Variants in AFG1L observed in about 807,000 individuals in gnomAD.
AFG1L encodes AFG1-like ATPase.
A neutral mutation model predicts 62.2 loss-of-function variants in AFG1L; 53 were observed. The ratio of observed to expected loss-of-function variants is 0.85; its 90% CI spans 0.68 to 1.07. The LOEUF is 1.07. AFG1L is among the 50% of genes least tolerant of loss of function. AFG1L has a pLI of 0.00. For missense variants in AFG1L, 555 were observed against 590.5 expected (o/e 0.94, Z 0.62); for synonymous variants, 228 against 210.3 (o/e 1.08, Z -0.73).
At chr6:108,449,071 C>G (rs980571646) in intron 8 of AFG1L, among the ~76,000 whole-genome samples, 1 of 151,448 alleles carries the variant, frequency 6.6e-6, no homozygotes, top group African/African-American at 2.4e-5. Context: ...TCGCTTGAGC[C>G]TAGGAGGTGG....
chr6:108,381,877 A>G (rs1780541682), intron 6 of AFG1L, among the ~76,000 whole-genome samples: 3 of 152,196 alleles, frequency 2.0e-5, no homozygotes, highest in African/African-American at 4.8e-5. Flanking sequence ...AATAGACTAC[A>G]TGAATTGAAA....
chr6:108,475,241 G>C (rs1773060744), intron 8 of AFG1L, among the ~76,000 whole-genome samples: 1 of 152,102 alleles, frequency 6.6e-6, no homozygotes, highest in African/African-American at 2.4e-5. Flanking sequence ...CTGTTCCATT[G>C]GTCTATGTGT....
intron 7 of AFG1L, among the ~76,000 whole-genome samples, chr6:108,433,265 ATTATTG>A (rs1484115220): frequency 1.5e-5 from 2 of 134,466 alleles, no homozygotes; most frequent in African/African-American, 5.2e-5. Context: ...CATTAACTTT[ATTATTG>A]TTATTATTAT....
At chr6:108,407,540 C>G (rs187038489) in intron 7 of AFG1L, among the ~76,000 whole-genome samples, 125 of 152,176 alleles carry the variant, frequency 8.2e-4, no homozygotes, top group African/African-American at 2.9e-3. Flanking sequence ...TTTAAATTAG[C>G]TAGGCATTGC....
intron 7 of AFG1L, among the ~76,000 whole-genome samples, chr6:108,410,686 G>A: frequency 6.6e-6 from 1 of 152,064 alleles, no homozygotes; most frequent in African/African-American, 2.4e-5. Context: ...GGTGGTCATT[G>A]AATCTGACTA....
intron 3 of AFG1L, among the ~76,000 whole-genome samples, chr6:108,353,062 G>A (rs775864704): frequency 4.6e-5 from 7 of 151,822 alleles, no homozygotes; most frequent in Admixed American, 1.3e-4. Context: ...GAATATTGAA[G>A]TGTAAATATT....
intron 7 of AFG1L, among the ~76,000 whole-genome samples, chr6:108,440,344 T>C (rs1361674561): frequency 1.3e-5 from 2 of 151,810 alleles, no homozygotes; most frequent in Non-Finnish European, 2.9e-5. Context: ...ACTTTTTGTA[T>C]TTTTAGTAGA....
At chr6:108,388,233 C>A (rs560376510) in intron 6 of AFG1L, among the ~76,000 whole-genome samples, 1 of 152,312 alleles carries the variant, frequency 6.6e-6, no homozygotes, top group South Asian at 2.1e-4. Flanking sequence ...TTCTCTTTAT[C>A]ATTTTTTATT....
At chr6:108,377,157 C>T (rs911367385) in intron 6 of AFG1L, among the ~76,000 whole-genome samples, 6 of 151,906 alleles carry the variant, frequency 3.9e-5, no homozygotes, top group Non-Finnish European at 8.8e-5. Flanking sequence ...TGAGATGCGT[C>T]TCTTGAAGAC....
At chr6:108,414,239 G>GTA (rs1390907074) in intron 7 of AFG1L, among the ~76,000 whole-genome samples, 1 of 152,166 alleles carries the variant, frequency 6.6e-6, no homozygotes, top group African/African-American at 2.4e-5. Flanking sequence ...TTGAATCCTT[G>GTA]TATAGACCAA....
intron 7 of AFG1L, among the ~76,000 whole-genome samples, chr6:108,442,189 C>CTT (rs554023221): frequency 2.8e-5 from 4 of 143,172 alleles, no homozygotes; most frequent in Non-Finnish European, 6.1e-5. Flanking sequence ...TTTCCTTCTT[C>CTT]TTTTTTTTTT....
chr6:108,390,585 T>A (rs1283565), intron 6 of AFG1L, among the ~76,000 whole-genome samples: 3 of 152,246 alleles, frequency 2.0e-5, no homozygotes, highest in African/African-American at 7.2e-5. Context: ...TCCTTCTAAC[T>A]GTCAGGACCC....
chr6:108,423,633 A>G (rs556858520), intron 7 of AFG1L, among the ~76,000 whole-genome samples: 1 of 152,240 alleles, frequency 6.6e-6, no homozygotes, highest in South Asian at 2.1e-4. Context: ...GTTGCGTTAA[A>G]TAGTATATAT....
chr6:108,514,352 T>C (rs2114907247), intron 11 of AFG1L, among the ~76,000 whole-genome samples: 1 of 152,242 alleles, frequency 6.6e-6, no homozygotes, highest in East Asian at 1.9e-4. Context: ...TCAACATTCT[T>C]AAAGAAAAGA....
intron 6 of AFG1L, among the ~76,000 whole-genome samples, chr6:108,375,238 T>G (rs966964882): frequency 2.0e-5 from 3 of 152,198 alleles, no homozygotes; most frequent in African/African-American, 7.2e-5. Context: ...ATGGAGTCTT[T>G]AGAGTTTTCA....
intron 8 of AFG1L, among the ~76,000 whole-genome samples, chr6:108,455,436 C>A (rs141737276): frequency 6.6e-6 from 1 of 152,140 alleles, no homozygotes; most frequent in Admixed American, 6.5e-5. Flanking sequence ...ATCTTCCCAA[C>A]GAAACTGCTT....
chr6:108,354,959 G>T (rs910624042), intron 3 of AFG1L, among the ~76,000 whole-genome samples: 2 of 152,132 alleles, frequency 1.3e-5, no homozygotes, highest in African/African-American at 2.4e-5. Flanking sequence ...ATTTCCTCAA[G>T]TAGGCTTTAT....
intron 10 of AFG1L, among the ~76,000 whole-genome samples, chr6:108,499,960 C>T (rs141308868): frequency 1.2e-4 from 18 of 152,094 alleles, no homozygotes; most frequent in South Asian, 6.2e-4. Flanking sequence ...TTCTTGCTCC[C>T]TGCTTTTGGG....
intron 7 of AFG1L, among the ~76,000 whole-genome samples, chr6:108,406,456 G>A (rs1325549862): frequency 2.6e-5 from 4 of 152,024 alleles, no homozygotes; most frequent in Non-Finnish European, 5.9e-5. Context: ...TTGATTGACT[G>A]AGATGGAGTC....
Sources: gnomAD v4.1 joint callset for allele counts (sites outside exome capture counted in the v4.1 genomes callset) on GRCh38, gnomAD v4.1.1 for gene constraint, MANE v1.5 for transcripts, NCBI Gene and HGNC (gene_info 2026-07-23, HGNC 2026-07-21) for gene names.